GTF2A1L: variants seen among roughly 807,000 people sequenced by gnomAD.
GTF2A1L encodes general transcription factor IIA subunit 1 like, also known as TFIIA-alpha and beta-like factor.
In GTF2A1L, 48 loss-of-function variants were observed where a neutral mutation model predicts 49.7. That is an observed-to-expected ratio of 0.97 (90% confidence interval 0.77 to 1.23). The LOEUF (loss-of-function observed/expected upper bound fraction) is 1.23. Among genes scored for constraint, GTF2A1L ranks in the 50% most tolerant of loss-of-function variants. GTF2A1L has a pLI of 0.00. For synonymous variants in GTF2A1L, 246 were observed against 193.5 expected (o/e 1.27, Z -2.25); for missense variants, 736 against 564.8 (o/e 1.30, Z -3.07).
At chr2:48,658,292 A>G (rs1049978993) in intron 6 of GTF2A1L, among the ~76,000 whole-genome samples, 4 of 152,196 alleles carry the variant, frequency 2.6e-5, no homozygotes, top group African/African-American at 9.6e-5. Flanking sequence ...GGTGAAAGGT[A>G]GGAGTCCAGT....
chr2:48,659,578 A>C (rs906022521), intron 6 of GTF2A1L, among the ~76,000 whole-genome samples: 2 of 152,036 alleles, frequency 1.3e-5, no homozygotes, highest in African/African-American at 4.8e-5. Flanking sequence ...TCACATCTTA[A>C]CCTTATTAAT....
intron 3 of GTF2A1L, among the ~76,000 whole-genome samples, chr2:48,626,548 A>G (rs1370300888): frequency 6.9e-6 from 1 of 144,060 alleles, no homozygotes; most frequent in Non-Finnish European, 1.6e-5. Flanking sequence ...TCAGTTTCTT[A>G]TATCAATGTT....
chr2:48,645,798 G>C (rs893605221), intron 5 of GTF2A1L, among the ~76,000 whole-genome samples: 4 of 152,070 alleles, frequency 2.6e-5, no homozygotes, highest in Admixed American at 2.0e-4. Context: ...ACAGGCGCCG[G>C]CCACCACGCC....
chr2:48,640,822 T>A (rs1677158665), intron 3 of GTF2A1L, among the ~76,000 whole-genome samples: 1 of 152,176 alleles, frequency 6.6e-6, no homozygotes, highest in Non-Finnish European at 1.5e-5. Context: ...ATATTAAAAT[T>A]TGTTTGATGC....
intron 6 of GTF2A1L, among the ~76,000 whole-genome samples, chr2:48,663,057 C>G (rs531165683): frequency 7.2e-5 from 11 of 151,860 alleles, no homozygotes; most frequent in Non-Finnish European, 1.3e-4. Context: ...TACCCCTGAA[C>G]TTAAAGTAAA....
chr2:48,660,256 G>A (rs1678414068), intron 6 of GTF2A1L, among the ~76,000 whole-genome samples: 4 of 152,038 alleles, frequency 2.6e-5, no homozygotes, highest in African/African-American at 9.7e-5. Context: ...TTTATGTTTT[G>A]TCTTTGTCTT....
Position 48,646,793 on chromosome 2 carries a change from T to C in GTF2A1L, c.729T>C (p.Ser243=), listed in dbSNP as rs1185135204. ...LCHQESSHYI[S]LPGVVFSPQV... is the part of the protein sequence containing the mutation. ...ATCAGGAAAGTTCTCACTATATCAG[T>C]CTTCCAGGTGTTGTATTTTCTCCAC... Residue 243 remains serine, a synonymous_variant, in exon 6 of 9, where the codon AGT becomes AGC. Transcript: ENST00000403751. 1 of 1,614,160 alleles carries C rather than the reference T, an allele frequency of 6.2e-7. No individual in the cohort carries two copies. The highest frequency in any genetic ancestry group is 1.7e-5 in the Admixed American group (1 of 60,028).
intron 8 of GTF2A1L, 47 bp from the exon 9 acceptor site, chr2:48,679,288 C>A (rs1440015314): frequency 4.4e-6 from 7 of 1,591,162 alleles, no homozygotes; most frequent in Admixed American, 1.8e-5. Flanking sequence ...GCAGGTGATC[C>A]TTTAACTTGT....
chr2:48,660,789 C>T (rs536330054), intron 6 of GTF2A1L, among the ~76,000 whole-genome samples: 2 of 152,132 alleles, frequency 1.3e-5, no homozygotes, highest in African/African-American at 4.8e-5. Flanking sequence ...TGCAGGTGTG[C>T]TCTACTATGC....
chr2:48,655,901 G>T (rs1030565079), intron 6 of GTF2A1L, among the ~76,000 whole-genome samples: 5 of 152,008 alleles, frequency 3.3e-5, no homozygotes, highest in Non-Finnish European at 7.4e-5. Flanking sequence ...CCATCTCTAT[G>T]AATTTGACCA....
At chr2:48,674,443 A>G (rs547675999) in intron 8 of GTF2A1L, among the ~76,000 whole-genome samples, 10 of 152,248 alleles carry the variant, frequency 6.6e-5, no homozygotes, top group African/African-American at 2.2e-4. Flanking sequence ...GAATTGCTGT[A>G]AAAAGAAATC....
Position 48,679,598 on chromosome 2 carries a change from A to C in GTF2A1L, c.*156A>C, listed in dbSNP as rs1679659643. ...ATAAAATTATAATTCAGATGCAGAT[A>C]CAATTACACAATTTTATATGTATTT... On this transcript the variant is annotated 3_prime_UTR_variant, in exon 9 of 9. Transcript: ENST00000403751. 5 of 1,385,994 alleles carry C rather than the reference A, an allele frequency of 3.6e-6. No individual in the cohort carries two copies. The East Asian group carries it at 1.4e-4, about 39-fold the overall frequency. The allele number at this position is 1,385,994 out of a possible 1,614,324, so 85.9% of individuals were successfully genotyped here. A position where few individuals can be genotyped will look rare whatever the true frequency, so the allele number is the denominator to read the frequency against.
At chr2:48,663,028 C>G (rs1369027206) in intron 6 of GTF2A1L, among the ~76,000 whole-genome samples, 5 of 151,904 alleles carry the variant, frequency 3.3e-5, no homozygotes, top group African/African-American at 1.2e-4. Flanking sequence ...AGTTTACCTA[C>G]ATAACAAACC....
At chr2:48,667,362 T>C (rs925486044) in intron 6 of GTF2A1L, among the ~76,000 whole-genome samples, 2 of 152,172 alleles carry the variant, frequency 1.3e-5, no homozygotes, top group East Asian at 1.9e-4. Flanking sequence ...TAGAGAGATA[T>C]GTTTGTATGT....
At position 48,671,693 on chromosome 2, in the gene GTF2A1L, C is replaced by T. The variant is rs185994997; in HGVS notation, c.1329+13C>T. 1.9e-4 allele frequency: 303 copies of T among 1,601,528 alleles called. No individual in the cohort carries two copies. Among genetic ancestry groups the T allele is most frequent in the Middle Eastern group, 1.8e-3 (11 of 6,014 alleles). On this transcript the variant is annotated intron_variant, in intron 8 of 8. Transcript: ENST00000403751. ...TCAGTATGATAAGGTACTGTATTTA[C>T]CTTTTGGACTTTGGGTTTATTAACT...
intron 8 of GTF2A1L, among the ~76,000 whole-genome samples, chr2:48,672,743 C>A (rs1270358085): frequency 6.6e-6 from 1 of 152,140 alleles, no homozygotes; most frequent in Non-Finnish European, 1.5e-5. Context: ...GTCCTTAATT[C>A]ATGAATATTT....
At chr2:48,663,077 AAG>A (rs1678612301) in intron 6 of GTF2A1L, among the ~76,000 whole-genome samples, 1 of 152,172 alleles carries the variant, frequency 6.6e-6, no homozygotes, top group Admixed American at 6.5e-5. Context: ...AAGTGAAAAA[AAG>A]AGAGAGGTTT....
intron 6 of GTF2A1L, among the ~76,000 whole-genome samples, chr2:48,652,132 C>G (rs1354679700): frequency 6.6e-6 from 1 of 152,080 alleles, no homozygotes; most frequent in Non-Finnish European, 1.5e-5. Context: ...AATCCTCTCC[C>G]AGAGTAAAGA....
intron 6 of GTF2A1L, among the ~76,000 whole-genome samples, chr2:48,657,873 T>C (rs1013430707): frequency 6.6e-6 from 1 of 152,190 alleles, no homozygotes; most frequent in Non-Finnish European, 1.5e-5. Context: ...GAACATTTTT[T>C]CATATGTTTG....
Sources: allele counts gnomAD v4.1 joint callset (sites outside exome capture counted in the v4.1 genomes callset), GRCh38; gene constraint gnomAD v4.1.1; transcripts MANE v1.5; gene names NCBI Gene and HGNC (gene_info 2026-07-23, HGNC 2026-07-21).